The following CCDC91 variants were observed in gnomAD, a reference collection of about 807,000 sequenced individuals.
The protein encoded by CCDC91 is coiled-coil domain containing 91.
Under a neutral mutation model 63.2 loss-of-function variants are expected in CCDC91, and 48 were observed. The observed-to-expected ratio is 0.76, with a 90% confidence interval of 0.60 to 0.97. The LOEUF is 0.97. Ranked by LOEUF, CCDC91 falls within the 50% of genes least tolerant of loss-of-function variation. The probability of loss-of-function intolerance (pLI) is 0.00; values close to 1 mark genes in which losing one functional copy is unlikely to be tolerated. For missense variants in CCDC91, 500 were observed against 494.6 expected (o/e 1.01, Z -0.10); for synonymous variants, 167 against 165.8 (o/e 1.01, Z -0.06).
At chr12:28,381,509 C>A (rs565223474) in intron 7 of CCDC91, among the ~76,000 whole-genome samples, 1 of 152,060 alleles carries the variant, frequency 6.6e-6, no homozygotes, top group Admixed American at 6.6e-5. Context: ...TTTCCTTTAT[C>A]TTTTCCAGAG....
chr12:28,543,599 T>C (rs1384839433), intron 12 of CCDC91, among the ~76,000 whole-genome samples: 2 of 152,010 alleles, frequency 1.3e-5, no homozygotes, highest in African/African-American at 4.8e-5. Context: ...ACCTTTTCTC[T>C]TTTATCCACT....
chr12:28,253,162 G>A (rs1274982720), intron 1 of CCDC91, among the ~76,000 whole-genome samples: 1 of 152,198 alleles, frequency 6.6e-6, no homozygotes, highest in Non-Finnish European at 1.5e-5. Flanking sequence ...TATTTCATGA[G>A]TGAGTTGTTT....
At chr12:28,381,853 C>T (rs1565888052) in intron 7 of CCDC91, among the ~76,000 whole-genome samples, 2 of 152,088 alleles carry the variant, frequency 1.3e-5, no homozygotes, top group African/African-American at 2.4e-5. Context: ...GGCTTTGTCC[C>T]TTCCTCTGAG....
chr12:28,294,995 T>C (rs1949471965), intron 3 of CCDC91, among the ~76,000 whole-genome samples: 1 of 152,216 alleles, frequency 6.6e-6, no homozygotes. Flanking sequence ...AACTATTCAT[T>C]GTCTACATTC....
chr12:28,341,111 G>A (rs529402514), intron 6 of CCDC91, among the ~76,000 whole-genome samples: 1 of 152,266 alleles, frequency 6.6e-6, no homozygotes, highest in South Asian at 2.1e-4. Flanking sequence ...ACGTCTGTCG[G>A]TGTGCTTTTC....
At chr12:28,449,893 T>G (rs1352902022) in intron 8 of CCDC91, among the ~76,000 whole-genome samples, 1 of 152,008 alleles carries the variant, frequency 6.6e-6, no homozygotes. Flanking sequence ...CATTTTCTGA[T>G]TAATTTTTCA....
chr12:28,397,382 T>C (rs1403803168), intron 8 of CCDC91, among the ~76,000 whole-genome samples: 1 of 152,168 alleles, frequency 6.6e-6, no homozygotes, highest in East Asian at 1.9e-4. Context: ...GAGACAACAC[T>C]GTAGGTAGAG....
intron 1 of CCDC91, among the ~76,000 whole-genome samples, chr12:28,197,307 G>T (rs1033809222): frequency 1.1e-4 from 16 of 152,182 alleles, no homozygotes; most frequent in African/African-American, 3.6e-4. Flanking sequence ...GCGGTTTAGA[G>T]TCTGTAATCA....
In CCDC91 at chr12:28,217,173, T is replaced by C. The variant is rs565061743; in HGVS notation, c.-15+26532T>C. Reference sequence around the variant, plus strand: ...TGCAAAAATGAGCAAGATGGTAGTATTGTGGTACTGACAACAGAGGTGCTA... The same window carrying C: ...TGCAAAAATGAGCAAGATGGTAGTACTGTGGTACTGACAACAGAGGTGCTA... On this transcript the variant is annotated intron_variant, in intron 1 of 12. Coordinates refer to ENST00000536442, the MANE Select transcript of CCDC91 (RefSeq NM_018318.5). Among the ~76,000 whole-genome samples the C allele has an allele frequency of 4.6e-5, 7 of 152,262 alleles. No individual in the cohort carries two copies. The South Asian group carries it at 1.4e-3, about 32-fold the overall frequency.
Position 28,264,585 on chromosome 12 carries a change from C to CTGTATGTGTGTGTG in CCDC91, c.109+5146_109+5147insATGTGTGTGTGTGT, listed in dbSNP as rs1555169638. ...TAGGCACATATATATATATGTCTGT[C>CTGTATGTGTGTGTG]TGTGTGTGTGTGTGTGTGTGTGTGT... On this transcript the variant is annotated intron_variant, in intron 3 of 12. Coordinates refer to ENST00000536442, the MANE Select transcript of CCDC91 (RefSeq NM_018318.5). 7.5e-3 allele frequency among the ~76,000 whole-genome samples: 1,025 copies of CTGTATGTGTGTGTG among 137,286 alleles called. 11 individuals carry two copies. The highest frequency in any genetic ancestry group is 9.9e-3 in the Non-Finnish European group (641 of 64,508). 90.1% of individuals were successfully genotyped at this position (137,286 alleles called of 152,430 possible).
At chr12:28,324,049 G>A (rs1940763330) in intron 6 of CCDC91, among the ~76,000 whole-genome samples, 1 of 151,908 alleles carries the variant, frequency 6.6e-6, no homozygotes. Context: ...GGAGGGAGAT[G>A]AGATGGAGTT....
chr12:28,498,630 C>G (rs895770649), intron 12 of CCDC91, among the ~76,000 whole-genome samples: 11 of 151,624 alleles, frequency 7.3e-5, no homozygotes, highest in African/African-American at 2.7e-4. Flanking sequence ...TTTAATCTAC[C>G]ATACCACCCA....
chr12:28,480,568 A>G (rs1230711873), intron 11 of CCDC91, among the ~76,000 whole-genome samples: 2 of 152,048 alleles, frequency 1.3e-5, no homozygotes, highest in Non-Finnish European at 2.9e-5. Flanking sequence ...CACAAACTAG[A>G]ACCCAGCATA....
At chr12:28,236,173 A>G (rs1944936958) in intron 1 of CCDC91, 1 of 152,108 alleles carries the variant, frequency 6.6e-6, no homozygotes, top group Non-Finnish European at 1.5e-5. Flanking sequence ...TCAAATGAAC[A>G]TAATTAATGA....
chr12:28,439,886 CA>C (rs1238529991), intron 8 of CCDC91, among the ~76,000 whole-genome samples: 1 of 150,350 alleles, frequency 6.7e-6, no homozygotes, highest in Non-Finnish European at 1.5e-5. Context: ...TTAATTTTTT[CA>C]AAAGATTATC....
intron 6 of CCDC91, among the ~76,000 whole-genome samples, chr12:28,320,225 A>G (rs1592297965): frequency 6.6e-6 from 1 of 151,916 alleles, no homozygotes; most frequent in Non-Finnish European, 1.5e-5. Context: ...CGGTTACTCC[A>G]TATGCTATTA....
intron 1 of CCDC91, among the ~76,000 whole-genome samples, chr12:28,249,946 A>AT (rs939289124): frequency 6.6e-6 from 1 of 152,102 alleles, no homozygotes; most frequent in African/African-American, 2.4e-5. Flanking sequence ...AAAAATGTTC[A>AT]TTTTTTGGTT....
chr12:28,404,888 A>C (rs2139582765), intron 8 of CCDC91, among the ~76,000 whole-genome samples: 1 of 152,162 alleles, frequency 6.6e-6, no homozygotes, highest in Admixed American at 6.6e-5. Flanking sequence ...TTATATTCAA[A>C]GTGGATTTCT....
At chr12:28,530,151 A>C (rs1294911128) in intron 12 of CCDC91, among the ~76,000 whole-genome samples, 1 of 152,208 alleles carries the variant, frequency 6.6e-6, no homozygotes, top group African/African-American at 2.4e-5. Flanking sequence ...TGTATCAACA[A>C]ACTGAGTGTG....
Sources: gnomAD v4.1 joint callset for allele counts (sites outside exome capture counted in the v4.1 genomes callset) on GRCh38, gnomAD v4.1.1 for gene constraint, MANE v1.5 for transcripts, NCBI Gene and HGNC (gene_info 2026-07-23, HGNC 2026-07-21) for gene names.